PARD3B: variants seen among roughly 807,000 people sequenced by gnomAD.
PARD3B encodes par-3 family cell polarity regulator beta, also known as partitioning defective 3 homolog B.
A neutral mutation model predicts 130.2 loss-of-function variants in PARD3B; 103 were observed. The observed-to-expected ratio is 0.79, with a 90% CI of 0.67 to 0.93. The LOEUF (loss-of-function observed/expected upper bound fraction) is 0.93. Among genes scored for constraint, PARD3B ranks in the 40% least tolerant of loss-of-function variants. The pLI is 0.00. For synonymous variants in PARD3B, 583 were observed against 553.2 expected (o/e 1.05, Z -0.76); for missense variants, 1,609 against 1,499.2 (o/e 1.07, Z -1.21).
intron 22 of PARD3B, among the ~76,000 whole-genome samples, chr2:205,574,870 A>AAAAG (rs1280154335): frequency 1.3e-5 from 2 of 150,730 alleles, no homozygotes; most frequent in South Asian, 2.1e-4. Flanking sequence ...AAAAAAAAAA[A>AAAAG]AAAGAAAGAA....
chr2:205,127,902 T>C (rs2031618203), intron 10 of PARD3B, among the ~76,000 whole-genome samples: 1 of 152,184 alleles, frequency 6.6e-6, no homozygotes, highest in Non-Finnish European at 1.5e-5. Context: ...TTTTCTAAAA[T>C]ACAGATGGAT....
At chr2:204,809,588 CCA>C (rs1411298529) in intron 2 of PARD3B, among the ~76,000 whole-genome samples, 1 of 152,096 alleles carries the variant, frequency 6.6e-6, no homozygotes, top group African/African-American at 2.4e-5. Context: ...CTGTTCTGTT[CCA>C]TTGGTCTATG....
At chr2:204,762,116 ATTTTTTTTTT>A (rs968166780) in intron 2 of PARD3B, among the ~76,000 whole-genome samples, 2 of 95,376 alleles carry the variant, frequency 2.1e-5, no homozygotes, top group Admixed American at 1.3e-4. Context: ...TTCTTTTTCT[ATTTTTTTTTT>A]TTTTTTTTTT....
intron 21 of PARD3B, among the ~76,000 whole-genome samples, chr2:205,549,703 G>A (rs531912553): frequency 6.6e-6 from 1 of 152,148 alleles, no homozygotes; most frequent in African/African-American, 2.4e-5. Context: ...CAGAAATGAT[G>A]AATACATGCC....
At chr2:205,234,373 A>G (rs2038972067) in intron 15 of PARD3B, among the ~76,000 whole-genome samples, 1 of 152,224 alleles carries the variant, frequency 6.6e-6, no homozygotes, top group African/African-American at 2.4e-5. Flanking sequence ...CCCTGCTAAC[A>G]TTAATGAAGA....
At chr2:204,727,468 G>A (rs1490231695) in intron 2 of PARD3B, among the ~76,000 whole-genome samples, 2 of 152,168 alleles carry the variant, frequency 1.3e-5, no homozygotes, top group African/African-American at 2.4e-5. Context: ...TAGCAAATAT[G>A]TGAATTGTCT....
intron 19 of PARD3B, among the ~76,000 whole-genome samples, chr2:205,413,836 A>C (rs1240673302): frequency 1.3e-5 from 2 of 152,172 alleles, no homozygotes; most frequent in African/African-American, 2.4e-5. Context: ...GTTGTTTTCA[A>C]ATTGGGCTTG....
intron 1 of PARD3B, among the ~76,000 whole-genome samples, chr2:204,597,356 G>A (rs2033342091): frequency 6.6e-6 from 1 of 152,108 alleles, no homozygotes; most frequent in African/African-American, 2.4e-5. Context: ...AAGTCTCCAG[G>A]TGTGGATGCT....
chr2:205,453,426 T>C (rs1328695443), intron 20 of PARD3B, among the ~76,000 whole-genome samples: 1 of 152,114 alleles, frequency 6.6e-6, no homozygotes, highest in South Asian at 2.1e-4. Flanking sequence ...AGATAAAACA[T>C]TTAGACTTTA....
intron 2 of PARD3B, among the ~76,000 whole-genome samples, chr2:204,883,455 A>ATATATAAAATATATATATATATATATATT (rs1377428928): frequency 1.6e-4 from 12 of 77,278 alleles, no homozygotes; most frequent in South Asian, 1.2e-3. Flanking sequence ...ATATATATAT[A>ATATATAAAATATATATATATATATATATT]TTTTTTTTTT....
At chr2:204,594,755 A>G (rs575070723) in intron 1 of PARD3B, among the ~76,000 whole-genome samples, 2 of 152,352 alleles carry the variant, frequency 1.3e-5, no homozygotes, top group East Asian at 3.9e-4. Context: ...GAACTATAAA[A>G]GTAATGCATA....
intron 2 of PARD3B, among the ~76,000 whole-genome samples, chr2:204,718,695 A>G (rs2038856896): frequency 6.6e-6 from 1 of 152,194 alleles, no homozygotes; most frequent in Non-Finnish European, 1.5e-5. Flanking sequence ...GCCTAGCAGT[A>G]GTCTCTTGGG....
chr2:205,510,319 C>T (rs951430552), intron 21 of PARD3B, among the ~76,000 whole-genome samples: 1 of 152,152 alleles, frequency 6.6e-6, no homozygotes, highest in African/African-American at 2.4e-5. Context: ...ATTCAATTGG[C>T]CAGACAACCC....
intron 2 of PARD3B, among the ~76,000 whole-genome samples, chr2:204,927,880 TGATA>T (rs1027647831): frequency 2.0e-5 from 3 of 152,026 alleles, no homozygotes; most frequent in African/African-American, 7.3e-5. Flanking sequence ...AGATAGAGAT[TGATA>T]GATAATATAT....
chr2:204,989,103 A>AG (rs764274930), intron 3 of PARD3B, among the ~76,000 whole-genome samples: 2 of 152,138 alleles, frequency 1.3e-5, no homozygotes, highest in African/African-American at 2.4e-5. Context: ...TGTAATGTTA[A>AG]GGGGGGTACA....
intron 2 of PARD3B, among the ~76,000 whole-genome samples, chr2:204,749,806 T>C (rs2040390406): frequency 1.3e-5 from 2 of 152,166 alleles, no homozygotes; most frequent in Admixed American, 1.3e-4. Flanking sequence ...ACATCAATAT[T>C]AATTTGTGTC....
rs1427629607 is a variant in PARD3B, at chr2:204,998,352, ATATATATGTG to A, written c.394+33031_394+33040del. Among the ~76,000 whole-genome samples the A allele has an allele frequency of 4.5e-3, 339 of 74,864 alleles. 12 individuals carry two copies. The highest frequency in any genetic ancestry group is 0.01 in the Admixed American group (52 of 5,200). The allele number at this position is 74,864 out of a possible 152,430, so 49.1% of individuals were successfully genotyped here. ...TATATATATATATATATATATATATATATATATGTGTGTGTGTGTGTGTATATATGTGTGT... is the reference window on the plus strand; with the variant it reads ...TATATATATATATATATATATATATATGTGTGTGTGTGTATATATGTGTGT... On this transcript the variant is annotated intron_variant, in intron 3 of 22. Transcript: ENST00000406610.
chr2:205,118,930 A>T lies in PARD3B; in HGVS notation c.690A>T (p.Gly230=). 6.3e-7 allele frequency: 1 copy of T among 1,597,226 alleles called. No individual in the cohort carries two copies. The highest frequency in any genetic ancestry group is 8.5e-7 in the Non-Finnish European group (1 of 1,173,112). The change falls in exon 7 of 23, where the codon GGA becomes GGT. Residue 230 remains glycine (G), a synonymous_variant. Coordinates refer to ENST00000406610, the MANE Select transcript of PARD3B (RefSeq NM_001302769.2). ...TAAATTTTGCATTTAGGATTCTAGG[A>T]CTCTTCATCCGAGGCATTGAAGACA... The part of the protein sequence containing the change: ...FFSSLSGRIL[G]LFIRGIEDNS...
At chr2:205,198,152 C>T (rs1480745276) in intron 15 of PARD3B, among the ~76,000 whole-genome samples, 1 of 152,188 alleles carries the variant, frequency 6.6e-6, no homozygotes, top group South Asian at 2.1e-4. Context: ...CTGTTTCTCA[C>T]AAGATACTGT....
Sources: allele counts gnomAD v4.1 joint callset (sites outside exome capture counted in the v4.1 genomes callset), GRCh38; gene constraint gnomAD v4.1.1; transcripts MANE v1.5; gene names NCBI Gene and HGNC (gene_info 2026-07-23, HGNC 2026-07-21).